Variants in ALMS1 observed in about 807,000 individuals in gnomAD.
ALMS1 encodes centrosome-associated protein ALMS1.
A neutral mutation model predicts 352.2 loss-of-function variants in ALMS1; 271 were observed. The observed-to-expected ratio is 0.77, with a 90% CI of 0.70 to 0.85. The LOEUF (loss-of-function observed/expected upper bound fraction) is 0.85, where lower values mean the gene tolerates loss of function less well. ALMS1 is among the 40% of genes least tolerant of loss of function. The pLI is 0.00. For synonymous variants in ALMS1, 1,865 were observed against 1,761.2 expected (o/e 1.06, Z -1.48); for missense variants, 5,445 against 4,870.7 (o/e 1.12, Z -3.51).
rs1450534488 is a variant in ALMS1, at chr2:73,453,187, T to C, written c.6660T>C (p.Asn2220=). 1 of 1,613,964 alleles carries C rather than the reference T, an allele frequency of 6.2e-7. No homozygotes were observed. Among genetic ancestry groups the C allele is most frequent in the East Asian group, 2.2e-5 (1 of 44,884 alleles). ...CTGACTCCAGTGTTAGCTCAAATAA[T>C]GTGCTTTTAAATTCTCAGGCTGATG... The part of the protein sequence containing the change: ...NSSDSSVSSN[N]VLLNSQADDR... Residue 2220 remains asparagine (N), a synonymous_variant, in exon 8 of 23, where the codon AAT becomes AAC. Coordinates refer to ENST00000613296, the MANE Select transcript of ALMS1 (RefSeq NM_001378454.1).
intron 6 of ALMS1, among the ~76,000 whole-genome samples, chr2:73,429,957 G>A (rs901464713): frequency 1.3e-5 from 2 of 151,966 alleles, no homozygotes; most frequent in African/African-American, 4.8e-5. Flanking sequence ...GAAGATAAAC[G>A]AATCTTGATT....
chr2:73,534,931 G>A lies in ALMS1; in HGVS notation c.9889G>A (p.Val3297Ile), dbSNP rs755789450. The stretch of plus-strand genomic sequence containing the variant: ...TCCGGATTCCAAATCAGATACCACC[G>A]TTGAAAGCTCCCATTCAGGTATTAT... ...PSPDSKSDTT[V>I]ESSHSGSNDA... The change falls in exon 12 of 23, where the codon GTT (valine) becomes ATT (isoleucine). Residue 3297 changes from valine (V) to isoleucine (I), a missense_variant. Coordinates refer to ENST00000613296, the MANE Select transcript of ALMS1 (RefSeq NM_001378454.1). The A allele has an allele frequency of 3.2e-5, 51 of 1,613,560 alleles. No homozygotes were observed. Among genetic ancestry groups the A allele is most frequent in the East Asian group, 4.5e-5 (2 of 44,822 alleles).
chr2:73,526,032 C>G (rs943030152), intron 11 of ALMS1, among the ~76,000 whole-genome samples: 6 of 152,030 alleles, frequency 3.9e-5, no homozygotes, highest in African/African-American at 1.4e-4. Flanking sequence ...GTTGAAGAGA[C>G]CGTCTTTTTC....
intron 9 of ALMS1, chr2:73,469,628 A>G (rs1053719454): frequency 6.6e-6 from 1 of 151,896 alleles, no homozygotes; most frequent in Non-Finnish European, 1.5e-5. Context: ...CAAGAAAAGT[A>G]CCTGACCTAG....
At chr2:73,418,920 TAAAA>T (rs1232306567) in intron 2 of ALMS1, among the ~76,000 whole-genome samples, 199 bp from the exon 3 acceptor site, 1 of 152,132 alleles carries the variant, frequency 6.6e-6, no homozygotes, top group Non-Finnish European at 1.5e-5. Flanking sequence ...TTTTTTGTGT[TAAAA>T]AAAGATGTGT....
chr2:73,385,804 G>T, upstream of ALMS1: 2 of 667,256 alleles, frequency 3.0e-6, no homozygotes, highest in South Asian at 3.3e-5. Context: ...GCCAGTCAGG[G>T]CTCTCCCCTT....
intron 15 of ALMS1, among the ~76,000 whole-genome samples, chr2:73,561,804 CAT>C (rs1422940174): frequency 2.6e-5 from 4 of 151,848 alleles, no homozygotes; most frequent in Admixed American, 6.6e-5. Context: ...GTGTGGGAGA[CAT>C]AGCTTGCAAA....
At chr2:73,413,414 G>A (rs1430058098) in intron 2 of ALMS1, among the ~76,000 whole-genome samples, 1 of 151,972 alleles carries the variant, frequency 6.6e-6, no homozygotes, top group African/African-American at 2.4e-5. Flanking sequence ...TTTCTTCTAT[G>A]TTTTCTTCTA....
intron 12 of ALMS1, among the ~76,000 whole-genome samples, chr2:73,545,684 C>G (rs1337339271): frequency 6.6e-6 from 1 of 152,116 alleles, no homozygotes; most frequent in Admixed American, 6.6e-5. Flanking sequence ...GGTGAGATGT[C>G]TTTAGCTGTG....
chr2:73,590,755 TG>T (rs1272177457), intron 16 of ALMS1, among the ~76,000 whole-genome samples: 1 of 146,524 alleles, frequency 6.8e-6, no homozygotes, highest in Non-Finnish European at 1.5e-5. Context: ...CTCGGCTCAC[TG>T]CAACCTCCAC....
chr2:73,464,487 T>C (rs1471627324), intron 9 of ALMS1, among the ~76,000 whole-genome samples: 2 of 152,168 alleles, frequency 1.3e-5, no homozygotes, highest in Non-Finnish European at 2.9e-5. Flanking sequence ...ACAGCCAATA[T>C]CATACCGAAT....
chr2:73,595,515 T>C (rs978014618), intron 16 of ALMS1, among the ~76,000 whole-genome samples: 3 of 152,258 alleles, frequency 2.0e-5, no homozygotes, highest in Non-Finnish European at 2.9e-5. Flanking sequence ...ATTTTATGGA[T>C]ATACCACATT....
intron 1 of ALMS1, among the ~76,000 whole-genome samples, chr2:73,399,226 T>A (rs1245069823): frequency 6.6e-6 from 1 of 152,160 alleles, no homozygotes; most frequent in Admixed American, 6.5e-5. Flanking sequence ...ACTGTGTACC[T>A]TTTATTTCCT....
intron 9 of ALMS1, among the ~76,000 whole-genome samples, chr2:73,484,619 C>T (rs1235704817): frequency 6.6e-6 from 1 of 151,674 alleles, no homozygotes; most frequent in Non-Finnish European, 1.5e-5. Context: ...TGAATGTTGG[C>T]CTGCCTTGCT....
At chr2:73,501,366 C>A (rs945661515) in intron 10 of ALMS1, among the ~76,000 whole-genome samples, 1 of 151,398 alleles carries the variant, frequency 6.6e-6, no homozygotes, top group Non-Finnish European at 1.5e-5. Flanking sequence ...TTTTTTGTGT[C>A]CTGATTAAGA....
At chr2:73,423,561 T>C (rs1475850925) in intron 4 of ALMS1, among the ~76,000 whole-genome samples, 6 of 110,204 alleles carry the variant, frequency 5.4e-5, no homozygotes, top group Non-Finnish European at 9.1e-5. Flanking sequence ...AGAATATGTT[T>C]TCTTCTTTTA....
chr2:73,528,003 G>A (rs945994728), intron 11 of ALMS1, among the ~76,000 whole-genome samples: 3 of 151,668 alleles, frequency 2.0e-5, no homozygotes, highest in African/African-American at 7.3e-5. Flanking sequence ...TTTCTTCCTT[G>A]ACCCACTGGT....
At chr2:73,541,513 A>G (rs1446365131) in intron 12 of ALMS1, among the ~76,000 whole-genome samples, 1 of 152,246 alleles carries the variant, frequency 6.6e-6, no homozygotes, top group Non-Finnish European at 1.5e-5. Flanking sequence ...GGCAAGAAAT[A>G]ACTAAGAGCA....
At chr2:73,391,069 C>A (rs528732301) in intron 1 of ALMS1, among the ~76,000 whole-genome samples, 1 of 151,924 alleles carries the variant, frequency 6.6e-6, no homozygotes, top group African/African-American at 2.4e-5. Flanking sequence ...CCACTGCGCC[C>A]GGCCCAACAG....
Sources: allele counts gnomAD v4.1 joint callset (sites outside exome capture counted in the v4.1 genomes callset), GRCh38; gene constraint gnomAD v4.1.1; transcripts MANE v1.5; gene names NCBI Gene and HGNC (gene_info 2026-07-23, HGNC 2026-07-21).